The following SPPL2B variants were observed in gnomAD, a reference collection of about 807,000 sequenced individuals.
SPPL2B encodes signal peptide peptidase-like 2B.
A neutral mutation model predicts 59.7 loss-of-function variants in SPPL2B; 39 were observed. That is an observed-to-expected ratio of 0.65 (90% confidence interval 0.51 to 0.85). The LOEUF (loss-of-function observed/expected upper bound fraction) is 0.85. Ranked by LOEUF, SPPL2B falls within the 40% of genes least tolerant of loss-of-function variation. The pLI, the probability that SPPL2B is intolerant of heterozygous loss-of-function variation, is 0.00. For missense variants in SPPL2B, 865 were observed against 849.0 expected, an observed-to-expected ratio of 1.02 and a Z score of -0.23; for synonymous variants, 419 against 370.8, an observed-to-expected ratio of 1.13 and a Z score of -1.49.
intron 7 of SPPL2B, chr19:2,340,453 G>A: frequency 1.6e-6 from 1 of 624,482 alleles, no homozygotes; most frequent in South Asian, 1.6e-5. Flanking sequence ...GGTTCCCCAG[G>A]GTTCTCCGGG....
At chr19:2,336,559 TAG>T (rs1968628567) in intron 2 of SPPL2B, among the ~76,000 whole-genome samples, 1 of 151,840 alleles carries the variant, frequency 6.6e-6, no homozygotes, top group Admixed American at 6.6e-5. Context: ...GTGTGTGTAA[TAG>T]GTGTGTGTGC....
chr19:2,346,198 C>G (rs1264633423), intron 13 of SPPL2B, among the ~76,000 whole-genome samples: 1 of 152,258 alleles, frequency 6.6e-6, no homozygotes, highest in Non-Finnish European at 1.5e-5. Flanking sequence ...CCAGGCCAGG[C>G]CTCCTCTGCC....
At chr19:2,328,858 C>G (rs577318861) in intron 1 of SPPL2B, 83 bp downstream of exon 1, 2 of 1,195,626 alleles carry the variant, frequency 1.7e-6, no homozygotes, top group Non-Finnish European at 2.2e-6. Flanking sequence ...AGGAACGACC[C>G]CGCTCGGCCC....
chr19:2,338,308 G>C, intron 3 of SPPL2B: 1 of 158,308 alleles, frequency 6.3e-6, no homozygotes, highest in East Asian at 1.9e-4. Flanking sequence ...GCCTGGTGCA[G>C]GGGCTCAGGG....
At chr19:2,346,603 G>C (rs1969384301) in intron 13 of SPPL2B, among the ~76,000 whole-genome samples, 1 of 152,172 alleles carries the variant, frequency 6.6e-6, no homozygotes, top group African/African-American at 2.4e-5. Flanking sequence ...GGAGTTCAAG[G>C]CTGCAGTGAG....
At position 2,353,244 on chromosome 19, in the gene SPPL2B, C is replaced by T. The variant is rs1249377724; in HGVS notation, c.*35C>T. 8 of 1,565,646 alleles carry T rather than the reference C, an allele frequency of 5.1e-6. No individual in the cohort carries two copies. The highest frequency in any genetic ancestry group is 8.6e-7 in the Non-Finnish European group (1 of 1,166,458). On this transcript the variant is annotated 3_prime_UTR_variant, in exon 15 of 15. Coordinates refer to ENST00000613503, the MANE Select transcript of SPPL2B (RefSeq NM_152988.3). ...GAGACGCTCGCTGCCGTGCCCGCCACACCAAGATGTTGGGGCTGCCTGGCG... is the reference window on the plus strand; with the variant it reads ...GAGACGCTCGCTGCCGTGCCCGCCATACCAAGATGTTGGGGCTGCCTGGCG...
chr19:2,339,533 T>C (rs1968883241), intron 5 of SPPL2B: 2 of 579,972 alleles, frequency 3.4e-6, no homozygotes, highest in Non-Finnish European at 6.1e-6. Flanking sequence ...GGAGGCCCCA[T>C]GTCCAGGGCT....
chr19:2,346,918 T>A (rs917355648), intron 13 of SPPL2B, among the ~76,000 whole-genome samples: 28 of 152,190 alleles, frequency 1.8e-4, no homozygotes, highest in African/African-American at 6.8e-4. Flanking sequence ...AGATGGGTGT[T>A]AGAAAAAGTG....
chr19:2,352,718 C>A (rs565728769), intron 14 of SPPL2B, among the ~76,000 whole-genome samples: 1 of 152,312 alleles, frequency 6.6e-6, no homozygotes, highest in East Asian at 1.9e-4. Flanking sequence ...CAGCTCCCAG[C>A]CTCTGCTGGC....
intron 4 of SPPL2B, 112 bp from the exon 5 acceptor site, chr19:2,338,957 T>A (rs1026099041): frequency 2.0e-6 from 3 of 1,491,696 alleles, no homozygotes; most frequent in Non-Finnish European, 2.7e-6. Context: ...GGGTGAGGCG[T>A]GGCCCCTGCA....
chr19:2,349,777 G>A (rs1255823685), intron 13 of SPPL2B, among the ~76,000 whole-genome samples: 3 of 127,714 alleles, frequency 2.3e-5, no homozygotes, highest in African/African-American at 1.1e-4. Flanking sequence ...GCTTGATTCC[G>A]TTCTCTCTCC....
At chr19:2,331,200 A>G (rs188665231) in intron 1 of SPPL2B, among the ~76,000 whole-genome samples, 1 of 151,646 alleles carries the variant, frequency 6.6e-6, no homozygotes, top group Admixed American at 6.6e-5. Flanking sequence ...GGAACTCCTC[A>G]GTCTTCCCAG....
At position 2,354,178 on chromosome 19, in the gene SPPL2B, C is replaced by A; in HGVS notation, c.*969C>A. The A allele has an allele frequency of 6.6e-6, 1 of 152,270 alleles. No individual in the cohort carries two copies. Among genetic ancestry groups the A allele is most frequent in the East Asian group, 1.9e-4 (1 of 5,186 alleles). 9.4% of individuals were successfully genotyped at this position (152,270 alleles called of 1,614,324 possible). A position where few individuals can be genotyped will look rare whatever the true frequency, so the allele number is the denominator to read the frequency against. Reference sequence around the variant, plus strand: ...TCTCCCTGTGGCAGCGGCATTGGTGCCTGGGTTCTTAACCCTCTGGACCCA... The same window carrying A: ...TCTCCCTGTGGCAGCGGCATTGGTGACTGGGTTCTTAACCCTCTGGACCCA... On this transcript the variant is annotated 3_prime_UTR_variant, in exon 15 of 15. Coordinates refer to ENST00000613503, the MANE Select transcript of SPPL2B (RefSeq NM_152988.3).
chr19:2,336,207 ATGTC>A (rs1388115382), intron 2 of SPPL2B, among the ~76,000 whole-genome samples: 18 of 151,152 alleles, frequency 1.2e-4, no homozygotes, highest in East Asian at 9.7e-4. Context: ...CTGAATGTGT[ATGTC>A]TGTTTTTATG....
At chr19:2,343,164 T>C in intron 8 of SPPL2B, 47 bp from the exon 9 acceptor site, 1 of 1,485,588 alleles carries the variant, frequency 6.7e-7, no homozygotes, top group Non-Finnish European at 9.2e-7. Context: ...GCGTCCTGGG[T>C]GGTCAGCCAG....
At chr19:2,329,595 A>C (rs1471650751) in intron 1 of SPPL2B, among the ~76,000 whole-genome samples, 2 of 152,100 alleles carry the variant, frequency 1.3e-5, no homozygotes, top group African/African-American at 4.8e-5. Flanking sequence ...CCACAAATGC[A>C]GCCCTTAACC....
At chr19:2,341,107 C>A in intron 8 of SPPL2B, 93 bp downstream of exon 8, 1 of 855,790 alleles carries the variant, frequency 1.2e-6, no homozygotes, top group Non-Finnish European at 1.9e-6. Context: ...TCCCTGGAGG[C>A]CGCCCCAGCC....
At position 2,338,877 on chromosome 19, in the gene SPPL2B, G is replaced by T. The variant is rs114780113; in HGVS notation, c.459+36G>T. Reference sequence around the variant, plus strand: ...GCCGGCTCAGACCCACGCTCCCGAGGAGATGGGGCAGGGGGCTTCGGGCTG... The same window carrying T: ...GCCGGCTCAGACCCACGCTCCCGAGTAGATGGGGCAGGGGGCTTCGGGCTG... On this transcript the variant is annotated intron_variant, in intron 4 of 14. Transcript: ENST00000613503. The T allele has an allele frequency of 7.1e-4, 1,135 of 1,598,318 alleles. 7 individuals are homozygous for T. The African/African-American group carries it at 0.014, about 19-fold the overall frequency.
chr19:2,333,090 G>T (rs12973488), intron 1 of SPPL2B, among the ~76,000 whole-genome samples: 10,106 of 35,110 alleles, frequency 0.29, 3,200 homozygotes, highest in Middle Eastern at 0.46. Context: ...GCTGGGAGGG[G>T]AGCAGGAGGA....
Sources: gnomAD v4.1 joint callset for allele counts (sites outside exome capture counted in the v4.1 genomes callset) on GRCh38, gnomAD v4.1.1 for gene constraint, MANE v1.5 for transcripts, NCBI Gene and HGNC (gene_info 2026-07-23, HGNC 2026-07-21) for gene names.